Variants in ASAP1 observed in about 807,000 individuals in gnomAD.
The protein encoded by ASAP1 is ArfGAP with SH3 domain, ankyrin repeat and PH domain 1.
In ASAP1, 43 loss-of-function variants were observed where a neutral mutation model predicts 145.2. The ratio of observed to expected loss-of-function variants is 0.30; its 90% confidence interval spans 0.23 to 0.38. ASAP1 has a LOEUF of 0.38. Among genes scored for constraint, ASAP1 ranks in the 10% least tolerant of loss-of-function variants. The probability of loss-of-function intolerance (pLI) is 1.00; values close to 1 mark genes in which losing one functional copy is unlikely to be tolerated. For missense variants in ASAP1, 1,018 were observed against 1,355.3 expected (o/e 0.75, Z 3.91); for synonymous variants, 546 against 515.5 (o/e 1.06, Z -0.80).
intron 24 of ASAP1, among the ~76,000 whole-genome samples, chr8:130,106,327 A>G (rs1468653205): frequency 6.6e-6 from 1 of 152,228 alleles, no homozygotes; most frequent in Non-Finnish European, 1.5e-5. Flanking sequence ...TCATCAATAT[A>G]TGAATAACAC....
intron 22 of ASAP1, 80 bp from the exon 23 acceptor site, chr8:130,115,815 C>A (rs1256726930): frequency 2.5e-5 from 25 of 1,010,568 alleles, no homozygotes; most frequent in South Asian, 8.3e-5. Context: ...GAGCAAATCC[C>A]ACCTTATTCC....
chr8:130,187,426 T>G lies in ASAP1; in HGVS notation c.481-141A>C, dbSNP rs181317259. ...ACTTTATGCACGTTACACCATTTTT[T>G]TTTTTTTTTGACAGGGTCTCACTCT... On this transcript the variant is annotated intron_variant, in intron 6 of 29. Transcript: ENST00000518721. 2,662 of 680,568 alleles carry G rather than the reference T, an allele frequency of 3.9e-3. 127 individuals carry two copies. In the Admixed American group the frequency reaches 0.068, roughly 17 times the overall value. The allele number at this position is 680,568 out of a possible 1,614,324, so 42.2% of individuals were successfully genotyped here.
chr8:130,095,803 G>C (rs892180020), intron 24 of ASAP1, among the ~76,000 whole-genome samples: 3 of 151,952 alleles, frequency 2.0e-5, no homozygotes, highest in Non-Finnish European at 4.4e-5. Context: ...ATTTTTAGTA[G>C]AGATGGGGTT....
chr8:130,305,261 G>A (rs1011329252), intron 3 of ASAP1, among the ~76,000 whole-genome samples: 1 of 152,120 alleles, frequency 6.6e-6, no homozygotes, highest in Admixed American at 6.5e-5. Flanking sequence ...CAAATTCAAT[G>A]CACATACTTC....
chr8:130,326,145 A>C (rs993539574), intron 3 of ASAP1, among the ~76,000 whole-genome samples: 3 of 152,134 alleles, frequency 2.0e-5, no homozygotes, highest in Non-Finnish European at 2.9e-5. Context: ...TTTAAGGAGG[A>C]GGTGGCATGT....
At chr8:130,268,293 C>T (rs1284849011) in intron 3 of ASAP1, among the ~76,000 whole-genome samples, 1 of 151,786 alleles carries the variant, frequency 6.6e-6, no homozygotes, top group African/African-American at 2.4e-5. Context: ...CGAGACCAGC[C>T]TGGGAAACAC....
chr8:130,354,801 C>T (rs1826205536), intron 3 of ASAP1, among the ~76,000 whole-genome samples: 1 of 152,184 alleles, frequency 6.6e-6, no homozygotes, highest in South Asian at 2.1e-4. Context: ...TGTGTGCCAG[C>T]CAAACCGTGA....
intron 4 of ASAP1, among the ~76,000 whole-genome samples, chr8:130,233,318 T>C (rs1216504774): frequency 6.6e-6 from 1 of 152,122 alleles, no homozygotes; most frequent in African/African-American, 2.4e-5. Context: ...TAGTAACACA[T>C]CCAGCCAACA....
intron 27 of ASAP1, among the ~76,000 whole-genome samples, chr8:130,067,366 G>A (rs1300536029): frequency 1.3e-5 from 2 of 152,160 alleles, no homozygotes; most frequent in African/African-American, 4.8e-5. Context: ...ATTCCCTAAA[G>A]GAACTCAGAT....
chr8:130,181,373 T>C (rs1814345238), intron 7 of ASAP1, among the ~76,000 whole-genome samples: 1 of 152,248 alleles, frequency 6.6e-6, no homozygotes, highest in Admixed American at 6.5e-5. Context: ...GTTTACCTAC[T>C]ATTGGGTAAA....
chr8:130,241,551 GAGA>G (rs1162890386), intron 3 of ASAP1, among the ~76,000 whole-genome samples: 1 of 152,108 alleles, frequency 6.6e-6, no homozygotes, highest in African/African-American at 2.4e-5. Context: ...CCACAAAACA[GAGA>G]AGTAGGCAAC....
In ASAP1 at chr8:130,373,247, T is replaced by C. The variant is rs577375399; in HGVS notation, c.60-15104A>G. Among the ~76,000 whole-genome samples, 3 of 151,840 alleles carry C rather than the reference T, an allele frequency of 2.0e-5. No individual in the cohort carries two copies. In the South Asian group the frequency reaches 6.2e-4, roughly 32 times the overall value. ...TCATTATGAATGGCTTTTTTTTGCA[T>C]ACAAAACCTATGGATTTTAATCACA... On this transcript the variant is annotated intron_variant, in intron 2 of 29. Transcript: ENST00000518721.
rs145980613 is a variant in ASAP1, at chr8:130,118,779, C to T, written c.1608-104G>A. 1.7e-5 allele frequency: 14 copies of T among 809,316 alleles called. No individual in the cohort carries two copies. In the Admixed American group the frequency reaches 1.8e-4, roughly 10 times the overall value. The allele number at this position is 809,316 out of a possible 1,614,324, so 50.1% of individuals were successfully genotyped here. ...TTGAGAAGTTATTTTAATTAAGATA[C>T]GCTTCTTTTCACCATTCAAATAAAC... On this transcript the variant is annotated intron_variant, in intron 18 of 29. Transcript: ENST00000518721.
chr8:130,371,754 C>G (rs934077160), intron 2 of ASAP1, among the ~76,000 whole-genome samples: 1 of 152,192 alleles, frequency 6.6e-6, no homozygotes, highest in Non-Finnish European at 1.5e-5. Flanking sequence ...GGCTTGGGCT[C>G]CTGATAACCA....
At chr8:130,214,045 T>C (rs1316133778) in intron 5 of ASAP1, among the ~76,000 whole-genome samples, 2 of 152,180 alleles carry the variant, frequency 1.3e-5, no homozygotes, top group South Asian at 2.1e-4. Context: ...CTTTTCTTGG[T>C]TGGGGGTTAA....
intron 4 of ASAP1, among the ~76,000 whole-genome samples, chr8:130,232,616 A>G (rs911978333): frequency 6.6e-6 from 1 of 151,616 alleles, no homozygotes; most frequent in South Asian, 2.1e-4. Flanking sequence ...CATGGAGACA[A>G]TTTGTTTAAA....
intron 17 of ASAP1, 92 bp from the exon 18 acceptor site, chr8:130,124,196 T>C (rs758864285): frequency 7.6e-6 from 7 of 919,386 alleles, no homozygotes; most frequent in Non-Finnish European, 1.2e-5. Context: ...TTTATGAATA[T>C]GTATTTTCCC....
intron 9 of ASAP1, 138 bp downstream of exon 9, chr8:130,179,126 C>G (rs551903129): frequency 3.8e-6 from 2 of 528,018 alleles, no homozygotes; most frequent in African/African-American, 3.9e-5. Flanking sequence ...TATTTCTTAT[C>G]CATTTAGCTG....
At chr8:130,311,794 G>C (rs889443102) in intron 3 of ASAP1, among the ~76,000 whole-genome samples, 3 of 126,874 alleles carry the variant, frequency 2.4e-5, no homozygotes, top group Non-Finnish European at 5.0e-5. Flanking sequence ...AAGTGATATA[G>C]GTTACTTATA....
Sources: gnomAD v4.1 joint callset for allele counts (sites outside exome capture counted in the v4.1 genomes callset) on GRCh38, gnomAD v4.1.1 for gene constraint, MANE v1.5 for transcripts, NCBI Gene and HGNC (gene_info 2026-07-23, HGNC 2026-07-21) for gene names.